Variants in ZNF292 observed in about 807,000 individuals in gnomAD.
ZNF292 encodes the protein 16 zinc-finger domain protein.
In ZNF292, 26 loss-of-function variants were observed where a neutral mutation model predicts 217.9. The ratio of observed to expected loss-of-function variants is 0.12; its 90% CI spans 0.09 to 0.17. The LOEUF is 0.17. ZNF292 is among the 10% of genes least tolerant of loss of function. The pLI is 1.00. For synonymous variants in ZNF292, 1,257 were observed against 1,124.1 expected, an observed-to-expected ratio of 1.12 and a Z score of -2.37; for missense variants, 2,904 against 3,175.2, an observed-to-expected ratio of 0.91 and a Z score of 2.05.
intron 1 of ZNF292, among the ~76,000 whole-genome samples, chr6:87,184,900 ACTCT>A (rs1292443633): frequency 2.0e-5 from 3 of 152,028 alleles, no homozygotes; most frequent in African/African-American, 7.2e-5. Context: ...TCTTGTCCTA[ACTCT>A]CAGAGACCAA....
In ZNF292 at chr6:87,260,424, T is replaced by A; in HGVS notation, c.6795T>A (p.Arg2265=). The A allele has an allele frequency of 1.2e-6, 2 of 1,613,672 alleles. No individual in the cohort carries two copies. Among genetic ancestry groups the A allele is most frequent in the Admixed American group, 1.7e-5 (1 of 59,958 alleles). Residue 2265 remains arginine (R), a synonymous_variant, in exon 8 of 8, where the codon CGT becomes CGA. Transcript: ENST00000369577. ...VYKCDCEGCD[R]IYATRSNLLR... ...AATGTGATTGTGAAGGCTGTGACCG[T>A]ATATATGCAACCCGGTCGAATCTCC... is the stretch of plus-strand genomic sequence containing the variant.
chr6:87,222,092 A>G (rs186462977), intron 4 of ZNF292, among the ~76,000 whole-genome samples: 4 of 152,086 alleles, frequency 2.6e-5, no homozygotes, highest in Non-Finnish European at 5.9e-5. Context: ...TAATTTTACC[A>G]TATTAGATCC....
intron 4 of ZNF292, among the ~76,000 whole-genome samples, chr6:87,229,006 A>G (rs1324443621): frequency 6.6e-6 from 1 of 152,260 alleles, no homozygotes; most frequent in Non-Finnish European, 1.5e-5. Flanking sequence ...TGCTTTGCCT[A>G]GTATGGATAT....
chr6:87,216,527 T>A (rs1772789616), intron 3 of ZNF292, 150 bp downstream of exon 3: 1 of 587,532 alleles, frequency 1.7e-6, no homozygotes, highest in Non-Finnish European at 3.0e-6. Flanking sequence ...TTACATAGAG[T>A]AGATCTCAAC....
intron 6 of ZNF292, among the ~76,000 whole-genome samples, chr6:87,244,235 T>C (rs1774454981): frequency 6.6e-6 from 1 of 152,220 alleles, no homozygotes; most frequent in Non-Finnish European, 1.5e-5. Flanking sequence ...TCAATGGTTG[T>C]GTAATCAATA....
chr6:87,178,106 C>G lies in ZNF292; in HGVS notation c.168+22347C>G, dbSNP rs145909074. 3.1e-4 allele frequency among the ~76,000 whole-genome samples: 47 copies of G among 152,194 alleles called. No homozygotes were observed. The East Asian group carries it at 9.1e-3, about 29-fold the overall frequency. On this transcript the variant is annotated intron_variant, in intron 1 of 7. Transcript: ENST00000369577. ...TGCTTTAGTCTATGGTAAGGCTATTCAAATTCTACATTTTCATTAGGCCTT... is the reference window on the plus strand; with the variant it reads ...TGCTTTAGTCTATGGTAAGGCTATTGAAATTCTACATTTTCATTAGGCCTT...
chr6:87,237,372 G>C (rs1310451627), intron 5 of ZNF292, among the ~76,000 whole-genome samples: 1 of 152,044 alleles, frequency 6.6e-6, no homozygotes, highest in Non-Finnish European at 1.5e-5. Context: ...CTCCCAAGTA[G>C]CTGGGACTAC....
chr6:87,174,014 C>T, intron 1 of ZNF292: 1 of 263,834 alleles, frequency 3.8e-6, no homozygotes, highest in Non-Finnish European at 7.6e-6. Flanking sequence ...TTAATGTGTC[C>T]TTGATCATCA....
At chr6:87,232,051 G>A (rs2127822797) in intron 4 of ZNF292, among the ~76,000 whole-genome samples, 1 of 152,176 alleles carries the variant, frequency 6.6e-6, no homozygotes, top group African/African-American at 2.4e-5. Flanking sequence ...GTAGTCAGAG[G>A]CACCAGAAAC....
At chr6:87,233,819 A>G (rs1373327011) in intron 5 of ZNF292, among the ~76,000 whole-genome samples, 1 of 152,190 alleles carries the variant, frequency 6.6e-6, no homozygotes, top group African/African-American at 2.4e-5. Flanking sequence ...TATATTTGTC[A>G]GCTTTTGGCC....
rs1227100599 is a variant in ZNF292 at position 87,256,384 on chromosome 6, A to G, written c.2755A>G (p.Asn919Asp). The change falls in exon 8 of 8, where the codon AAT (asparagine) becomes GAT (aspartate). Residue 919 changes from asparagine to aspartate, a missense_variant. Physicochemically the swap from Asn to Asp is conservative, Grantham distance 23 (BLOSUM62 1). Coordinates refer to ENST00000369577, the MANE Select transcript of ZNF292 (RefSeq NM_015021.3). ...ELRQANGPLS[N>D]GLENPATTPL... Reference sequence around the variant, plus strand: ...CAGGCAAGCTAATGGACCATTGTCAAATGGTTTGGAAAACCCTGCTACTAC... The same window carrying G: ...CAGGCAAGCTAATGGACCATTGTCAGATGGTTTGGAAAACCCTGCTACTAC... The G allele has an allele frequency of 1.2e-6, 2 of 1,608,896 alleles. No homozygotes were observed. Among genetic ancestry groups the G allele is most frequent in the Non-Finnish European group, 1.7e-6 (2 of 1,179,822 alleles).
Position 87,234,828 on chromosome 6 carries a change from A to T in ZNF292, c.741+1301A>T, listed in dbSNP as rs1773822382. 2.0e-5 allele frequency among the ~76,000 whole-genome samples: 3 copies of T among 152,286 alleles called. No individual in the cohort carries two copies. The South Asian group carries it at 6.2e-4, about 32-fold the overall frequency. On this transcript the variant is annotated intron_variant, in intron 5 of 7. Coordinates refer to ENST00000369577, the MANE Select transcript of ZNF292 (RefSeq NM_015021.3). ...CAAAGCAGAATAGCCTCATACAGAA[A>T]GCTCAGTGCCACATGAGGTTTGTAA...
At chr6:87,205,115 C>T (rs139274292) in intron 1 of ZNF292, among the ~76,000 whole-genome samples, 160 of 152,300 alleles carry the variant, frequency 1.1e-3, no homozygotes, top group Non-Finnish European at 1.7e-3. Flanking sequence ...TCTCTGTCTT[C>T]AGGCTGTAGT....
At chr6:87,195,831 C>A (rs1259199696) in intron 1 of ZNF292, among the ~76,000 whole-genome samples, 1 of 151,818 alleles carries the variant, frequency 6.6e-6, no homozygotes, top group Non-Finnish European at 1.5e-5. Context: ...AGTTCGAGAC[C>A]AGCCTGGCCA....
At chr6:87,224,480 A>G (rs982107890) in intron 4 of ZNF292, among the ~76,000 whole-genome samples, 11 of 151,838 alleles carry the variant, frequency 7.2e-5, no homozygotes, top group African/African-American at 2.7e-4. Flanking sequence ...ACTGTGTTTC[A>G]TCTATCCAGC....
At chr6:87,166,210 T>C (rs1402160327) in intron 1 of ZNF292, among the ~76,000 whole-genome samples, 1 of 152,234 alleles carries the variant, frequency 6.6e-6, no homozygotes, top group Non-Finnish European at 1.5e-5. Flanking sequence ...AGCATTACTT[T>C]TTATTATTCT....
Position 87,175,372 on chromosome 6 carries a change from C to T in ZNF292, c.168+19613C>T, listed in dbSNP as rs538406360. Among the ~76,000 whole-genome samples the T allele has an allele frequency of 2.0e-5, 3 of 152,276 alleles. No individual in the cohort carries two copies. The East Asian group carries it at 5.8e-4, about 29-fold the overall frequency. ...GTTCTCTTTTTTTGAGTTGGGGTCT[C>T]ACTTTTACCCAGGAGTGCAGTGGTA... On this transcript the variant is annotated intron_variant, in intron 1 of 7. Coordinates refer to ENST00000369577, the MANE Select transcript of ZNF292 (RefSeq NM_015021.3).
intron 1 of ZNF292, among the ~76,000 whole-genome samples, chr6:87,166,492 A>G (rs1479540014): frequency 6.6e-6 from 1 of 152,202 alleles, no homozygotes; most frequent in East Asian, 1.9e-4. Context: ...CTCCCAGCAC[A>G]GTGTCTGGCA....
chr6:87,215,153 T>TTTTTTTTTTTTTTTTTTTTTTTTTTTTG (rs1772679955), intron 1 of ZNF292: 1 of 151,986 alleles, frequency 6.6e-6, no homozygotes, highest in African/African-American at 2.4e-5. Flanking sequence ...GTAAGAGTCT[T>TTTTTTTTTTTTTTTTTTTTTTTTTTTTG]AACATGTGTG....
Sources: allele counts gnomAD v4.1 joint callset (sites outside exome capture counted in the v4.1 genomes callset), GRCh38; gene constraint gnomAD v4.1.1; transcripts MANE v1.5; gene names NCBI Gene and HGNC (gene_info 2026-07-23, HGNC 2026-07-21).